Variants in PCGF5 observed in about 807,000 individuals in gnomAD.
PCGF5 encodes the protein polycomb group ring finger 5.
PCGF5 carries 9 observed loss-of-function variants against 44.3 expected under a neutral mutation model. The ratio of observed to expected loss-of-function variants is 0.20; its 90% confidence interval spans 0.12 to 0.35. The LOEUF (loss-of-function observed/expected upper bound fraction) is 0.35, where lower values mean the gene tolerates loss of function less well. Among genes scored for constraint, PCGF5 ranks in the 10% least tolerant of loss-of-function variants. PCGF5 has a pLI of 1.00. For synonymous variants in PCGF5, 95 were observed against 102.5 expected (o/e 0.93, Z 0.44); for missense variants, 146 against 305.3 (o/e 0.48, Z 3.89).
At chr10:91,163,909 C>G (rs1033835517) in intron 1 of PCGF5, among the ~76,000 whole-genome samples, 2 of 152,148 alleles carry the variant, frequency 1.3e-5, no homozygotes, top group Admixed American at 6.5e-5. Flanking sequence ...GGGCAGCGGC[C>G]GAAACGTGCT....
upstream of PCGF5, among the ~76,000 whole-genome samples, chr10:91,162,259 G>A (rs1214875125): frequency 7.1e-6 from 1 of 141,076 alleles, no homozygotes; most frequent in South Asian, 2.5e-4. Context: ...TGAGTCACTG[G>A]AGGATCTTCA....
chr10:91,229,923 A>G (rs988281450), intron 2 of PCGF5, among the ~76,000 whole-genome samples: 1 of 152,202 alleles, frequency 6.6e-6, no homozygotes, highest in Non-Finnish European at 1.5e-5. Flanking sequence ...TTCAAACAGT[A>G]TTTTGGCAGA....
At chr10:91,201,351 C>T (rs1308393467) in intron 1 of PCGF5, among the ~76,000 whole-genome samples, 1 of 152,072 alleles carries the variant, frequency 6.6e-6, no homozygotes, top group Non-Finnish European at 1.5e-5. Context: ...TCATGGTCCC[C>T]CCAGTGACAT....
chr10:91,219,389 G>T (rs534452957), upstream of PCGF5, among the ~76,000 whole-genome samples: 6 of 152,276 alleles, frequency 3.9e-5, no homozygotes, highest in Middle Eastern at 6.8e-3. Flanking sequence ...AACATACCAA[G>T]TCTTTTTTAT....
intron 1 of PCGF5, among the ~76,000 whole-genome samples, chr10:91,221,584 G>A (rs1310925276): frequency 6.6e-6 from 1 of 152,190 alleles, no homozygotes; most frequent in Non-Finnish European, 1.5e-5. Context: ...TTGATGGAAT[G>A]CCTTTTACCT....
chr10:91,217,771 C>G (rs1043490488), upstream of PCGF5, among the ~76,000 whole-genome samples: 1 of 152,142 alleles, frequency 6.6e-6, no homozygotes, highest in Non-Finnish European at 1.5e-5. Flanking sequence ...TGTTTAACAA[C>G]AACAAAAAAA....
chr10:91,157,600 C>A, the PCGF5 span, among the ~76,000 whole-genome samples: 1 of 152,120 alleles, frequency 6.6e-6, no homozygotes, highest in South Asian at 2.1e-4. Flanking sequence ...GCAAGAGAGA[C>A]ATCCCAAAGT....
At chr10:91,212,053 T>G (rs918576780) in intron 1 of PCGF5, among the ~76,000 whole-genome samples, 1 of 152,252 alleles carries the variant, frequency 6.6e-6, no homozygotes, top group Non-Finnish European at 1.5e-5. Context: ...AGGACAATGA[T>G]TTTATTTATC....
intron 1 of PCGF5, among the ~76,000 whole-genome samples, chr10:91,198,024 G>A (rs4933205): frequency 0.93 from 141,497 of 152,324 alleles, 65,804 homozygotes; most frequent in African/African-American, 0.97. Context: ...CAAAAAATAC[G>A]TGCCCTCACA....
intron 5 of PCGF5, 70 bp from the exon 6 acceptor site, chr10:91,251,222 A>G (rs374930618): frequency 1.6e-6 from 2 of 1,240,238 alleles, no homozygotes. Context: ...TTTGATTATC[A>G]ATGTATGATT....
chr10:91,270,035 C>A (rs771121569), intron 8 of PCGF5, among the ~76,000 whole-genome samples: 1 of 152,170 alleles, frequency 6.6e-6, no homozygotes, highest in Non-Finnish European at 1.5e-5. Flanking sequence ...GAGTGTCTGA[C>A]ATAAATGTTA....
chr10:91,164,189 G>T (rs1477950262), intron 1 of PCGF5, among the ~76,000 whole-genome samples: 1 of 152,146 alleles, frequency 6.6e-6, no homozygotes, highest in Admixed American at 6.6e-5. Flanking sequence ...GCCCGGAGGG[G>T]CGGGGAAGAC....
chr10:91,162,867 C>CCGCCGCCGCCAG (rs943931931), upstream of PCGF5: 1 of 148,844 alleles, frequency 6.7e-6, no homozygotes, highest in South Asian at 1.8e-4. Flanking sequence ...CGCCCCGCGC[C>CCGCCGCCGCCAG]CGCCGCCGCC....
intron 1 of PCGF5, among the ~76,000 whole-genome samples, chr10:91,202,792 A>G (rs1236276482): frequency 2.0e-5 from 3 of 152,208 alleles, no homozygotes; most frequent in African/African-American, 7.2e-5. Context: ...CATTTATGCT[A>G]TATAATATGC....
At chr10:91,247,408 G>A (rs975760345) in intron 3 of PCGF5, among the ~76,000 whole-genome samples, 1 of 152,066 alleles carries the variant, frequency 6.6e-6, no homozygotes, top group Non-Finnish European at 1.5e-5. Context: ...AAATAATGTA[G>A]GTTTTATTTT....
intron 1 of PCGF5, among the ~76,000 whole-genome samples, chr10:91,166,241 A>G (rs1388872338): frequency 6.6e-6 from 1 of 152,236 alleles, no homozygotes; most frequent in African/African-American, 2.4e-5. Flanking sequence ...GGTTTCTATC[A>G]TTAGTTGATT....
chr10:91,227,506 C>G (rs1844877540), intron 2 of PCGF5: 2 of 1,264,616 alleles, frequency 1.6e-6, no homozygotes, highest in Non-Finnish European at 1.0e-6. Flanking sequence ...CTGCTGGTCT[C>G]TCTCTTTAAT....
rs996982840 is a variant in PCGF5 at position 91,248,672 on chromosome 10, T to A, written c.273T>A (p.Leu91=). The A allele has an allele frequency of 6.2e-7, 1 of 1,608,348 alleles. No homozygotes were observed. ...CTCTTTCTTTTAAATTAGAAGAACT[T>A]GAGCGTGAATCTGAATTTTGGAAGA... ...KLVPGLREQE[L]ERESEFWKKN... Residue 91 remains leucine, a synonymous_variant, in exon 5 of 10, where the codon CTT becomes CTA. Transcript: ENST00000336126.
intron 1 of PCGF5, among the ~76,000 whole-genome samples, chr10:91,187,422 C>T (rs1426168108): frequency 1.3e-5 from 2 of 151,852 alleles, no homozygotes; most frequent in African/African-American, 4.8e-5. Context: ...GGATACAGTC[C>T]ATAGAGAAGG....
Sources: allele counts gnomAD v4.1 joint callset (sites outside exome capture counted in the v4.1 genomes callset), GRCh38; gene constraint gnomAD v4.1.1; transcripts MANE v1.5; gene names NCBI Gene and HGNC (gene_info 2026-07-23, HGNC 2026-07-21).